The following RAP1B variants were observed in gnomAD, a reference collection of about 807,000 sequenced individuals.
RAP1B encodes RAP1B, member of RAS oncogene family.
RAP1B carries 1 observed loss-of-function variant against 27.5 expected under a neutral mutation model. The ratio of observed to expected loss-of-function variants is 0.04; its 90% confidence interval spans 0.01 to 0.17. The LOEUF (loss-of-function observed/expected upper bound fraction) is 0.17, where lower values mean the gene tolerates loss of function less well. RAP1B is among the 10% of genes least tolerant of loss of function. The probability of loss-of-function intolerance (pLI) is 1.00; values close to 1 mark genes in which losing one functional copy is unlikely to be tolerated. For synonymous variants in RAP1B, 75 were observed against 73.1 expected, an observed-to-expected ratio of 1.03 and a Z score of -0.13; for missense variants, 84 against 214.8, an observed-to-expected ratio of 0.39 and a Z score of 3.81.
intron 3 of RAP1B, among the ~76,000 whole-genome samples, chr12:68,651,456 A>T (rs2135962426): frequency 6.6e-6 from 1 of 152,300 alleles, no homozygotes; most frequent in Non-Finnish European, 1.5e-5. Flanking sequence ...TCTAATTCTA[A>T]ATACCTATTT....
rs1180712256 is a variant in RAP1B at position 68,666,705 on chromosome 12, T to C, written c.*7456T>C. 3 of 152,262 alleles carry C rather than the reference T, an allele frequency of 2.0e-5. No homozygotes were observed. The highest frequency in any genetic ancestry group is 2.0e-4 in the Admixed American group (3 of 15,286). The allele number at this position is 152,262 out of a possible 1,614,324, so 9.4% of individuals were successfully genotyped here. A position where few individuals can be genotyped will look rare whatever the true frequency, so the allele number is the denominator to read the frequency against. On this transcript the variant is annotated 3_prime_UTR_variant, in exon 8 of 8. Coordinates refer to ENST00000250559, the MANE Select transcript of RAP1B (RefSeq NM_001010942.3). Reference sequence around the variant, plus strand: ...ACAGACAGAAGTTTGGGGGTTGGGATGTGGACATGCCTTTGGGAGCCATTA... The same window carrying C: ...ACAGACAGAAGTTTGGGGGTTGGGACGTGGACATGCCTTTGGGAGCCATTA...
chr12:68,654,131 G>A lies in RAP1B; in HGVS notation c.203G>A (p.Arg68Lys). 1 of 1,596,238 alleles carries A rather than the reference G, an allele frequency of 6.3e-7. No individual in the cohort carries two copies. Among genetic ancestry groups the A allele is most frequent in the Non-Finnish European group, 8.6e-7 (1 of 1,164,702 alleles). The change falls in exon 5 of 8, where the codon AGG becomes AAG. Residue 68 changes from arginine (R) to lysine (K), a missense_variant. Physicochemically the swap from Arg to Lys is conservative, Grantham distance 26. Transcript: ENST00000250559. ...TAGTEQFTAM[R>K]DLYMKNGQGF... ...TTGTAGGAGCAATTTACAGCAATGA[G>A]GGATTTATACATGAAAAATGGACAA...
intron 1 of RAP1B, among the ~76,000 whole-genome samples, chr12:68,618,886 T>C (rs1871205564): frequency 6.6e-6 from 1 of 152,154 alleles, no homozygotes; most frequent in East Asian, 1.9e-4. Context: ...ACAGCAAGCC[T>C]CCCAGCACTT....
chr12:68,611,556 G>C (rs1870592389), intron 1 of RAP1B, among the ~76,000 whole-genome samples: 1 of 152,008 alleles, frequency 6.6e-6, no homozygotes, highest in African/African-American at 2.4e-5. Context: ...CCCGAGCTAG[G>C]GCGAGGAGCC....
At chr12:68,636,698 G>T (rs1872652558) in intron 1 of RAP1B, among the ~76,000 whole-genome samples, 1 of 151,720 alleles carries the variant, frequency 6.6e-6, no homozygotes, top group Admixed American at 6.6e-5. Flanking sequence ...GTACAGGTAG[G>T]TGTGAGCCAC....
At chr12:68,650,331 A>T in intron 2 of RAP1B, 69 bp from the exon 3 acceptor site, 2 of 1,370,710 alleles carry the variant, frequency 1.5e-6, no homozygotes, top group Non-Finnish European at 2.0e-6. Flanking sequence ...AACTCAGTTT[A>T]CAATTACATT....
intron 1 of RAP1B, among the ~76,000 whole-genome samples, chr12:68,638,495 C>G (rs532991590): frequency 6.6e-6 from 1 of 151,904 alleles, no homozygotes; most frequent in Non-Finnish European, 1.5e-5. Context: ...TGTTGTCTTA[C>G]GTTTATTTTC....
chr12:68,616,319 C>T (rs1249692853), intron 1 of RAP1B, among the ~76,000 whole-genome samples: 1 of 151,432 alleles, frequency 6.6e-6, no homozygotes, highest in Non-Finnish European at 1.5e-5. Context: ...GAGTCTCGCT[C>T]TGTCAGTCAG....
chr12:68,657,887 A>C (rs1039705445), intron 7 of RAP1B, among the ~76,000 whole-genome samples: 8 of 145,060 alleles, frequency 5.5e-5, no homozygotes, highest in South Asian at 2.2e-4. Context: ...ACACACACAC[A>C]CCCCTGACAT....
In RAP1B at chr12:68,657,236, C is replaced by T. The variant is rs374378609; in HGVS notation, c.*30+19C>T. 6.7e-6 allele frequency: 10 copies of T among 1,492,326 alleles called. No homozygotes were observed. The African/African-American group carries it at 9.7e-5, about 14-fold the overall frequency. 92.4% of individuals were successfully genotyped at this position (1,492,326 alleles called of 1,614,324 possible). A position where few individuals can be genotyped will look rare whatever the true frequency, so the allele number is the denominator to read the frequency against. On this transcript the variant is annotated intron_variant, in intron 7 of 7. Transcript: ENST00000250559. ...GAGCCAGGTATGTTCACTTATCTTT[C>T]CTCTAACTTTTAATCACTCAACCTT...
At chr12:68,655,940 A>C (rs1379577173) in intron 5 of RAP1B, among the ~76,000 whole-genome samples, 1 of 152,190 alleles carries the variant, frequency 6.6e-6, no homozygotes, top group Non-Finnish European at 1.5e-5. Flanking sequence ...CCCATCTCTC[A>C]TAACAGGATC....
chr12:68,639,650 A>G (rs1490593704), intron 1 of RAP1B, among the ~76,000 whole-genome samples: 1 of 152,162 alleles, frequency 6.6e-6, no homozygotes, highest in Non-Finnish European at 1.5e-5. Flanking sequence ...ATCCTCCTCT[A>G]AAGAGCTGGC....
In RAP1B at chr12:68,644,752, G is replaced by T. The variant is rs1457372441; in HGVS notation, c.-26-3947G>T. Among the ~76,000 whole-genome samples the T allele has an allele frequency of 2.1e-5, 3 of 142,054 alleles. No individual in the cohort carries two copies. The Admixed American group carries it at 2.1e-4, about 10-fold the overall frequency. The allele number at this position is 142,054 out of a possible 152,430, so 93.2% of individuals were successfully genotyped here. A position where few individuals can be genotyped will look rare whatever the true frequency, so the allele number is the denominator to read the frequency against. ...CGCCCAGGCTGGAGTGCAGTGGTGCGATCTGGGCTCACTGCAACCTCCACC... is the reference window on the plus strand; with the variant it reads ...CGCCCAGGCTGGAGTGCAGTGGTGCTATCTGGGCTCACTGCAACCTCCACC... On this transcript the variant is annotated intron_variant, in intron 1 of 7. Coordinates refer to ENST00000250559, the MANE Select transcript of RAP1B (RefSeq NM_001010942.3).
intron 1 of RAP1B, among the ~76,000 whole-genome samples, chr12:68,621,800 ATTTG>A (rs1375707066): frequency 6.6e-6 from 1 of 152,224 alleles, no homozygotes; most frequent in Non-Finnish European, 1.5e-5. Context: ...CTGGCATTAT[ATTTG>A]AGTTAGAGAT....
chr12:68,620,986 T>C (rs1469587302), intron 1 of RAP1B, among the ~76,000 whole-genome samples: 3 of 152,236 alleles, frequency 2.0e-5, no homozygotes, highest in Admixed American at 2.0e-4. Context: ...ACAGTTTGTA[T>C]TGTGCACAGT....
At chr12:68,642,831 C>T in intron 1 of RAP1B, 1 of 993,820 alleles carries the variant, frequency 1.0e-6, no homozygotes, top group Non-Finnish European at 1.6e-6. Context: ...TTGTAGTAAG[C>T]CCAGTCGATA....
chr12:68,625,327 T>A (rs188015373), intron 1 of RAP1B, among the ~76,000 whole-genome samples: 58 of 152,354 alleles, frequency 3.8e-4, no homozygotes, highest in Non-Finnish European at 7.1e-4. Flanking sequence ...AAGGAAGAAC[T>A]GTTAAATTAG....
At chr12:68,615,294 TGTG>T (rs1445641994) in intron 1 of RAP1B, among the ~76,000 whole-genome samples, 1 of 151,956 alleles carries the variant, frequency 6.6e-6, no homozygotes, top group Non-Finnish European at 1.5e-5. Flanking sequence ...AAAATGAAAA[TGTG>T]GGGGAAATGT....
intron 1 of RAP1B, among the ~76,000 whole-genome samples, chr12:68,632,160 T>TTC (rs150063055): frequency 7.7e-4 from 112 of 144,796 alleles, no homozygotes; most frequent in East Asian, 1.7e-3. Context: ...GTTTTTTTTT[T>TTC]CCAGACTGTT....
Sources: allele counts gnomAD v4.1 joint callset (sites outside exome capture counted in the v4.1 genomes callset), GRCh38; gene constraint gnomAD v4.1.1; transcripts MANE v1.5; gene names NCBI Gene and HGNC (gene_info 2026-07-23, HGNC 2026-07-21).